Variants in OPCML observed in about 807,000 individuals in gnomAD.
OPCML encodes opioid-binding protein/cell adhesion molecule.
A neutral mutation model predicts 37.8 loss-of-function variants in OPCML; 13 were observed. The ratio of observed to expected loss-of-function variants is 0.34; its 90% confidence interval spans 0.22 to 0.55. The LOEUF (loss-of-function observed/expected upper bound fraction) is 0.55, where lower values mean the gene tolerates loss of function less well. OPCML is among the 20% of genes least tolerant of loss of function. The pLI is 0.91. For synonymous variants in OPCML, 176 were observed against 168.8 expected (o/e 1.04, Z -0.33); for missense variants, 341 against 435.6 (o/e 0.78, Z 1.93).
chr11:132,819,006 A>G (rs1443648369), intron 2 of OPCML, among the ~76,000 whole-genome samples: 1 of 150,424 alleles, frequency 6.6e-6, no homozygotes, highest in African/African-American at 2.5e-5. Flanking sequence ...GTAAAGTTAC[A>G]AAGTCGAAAA....
At chr11:132,454,966 C>A (rs1290112271) in intron 4 of OPCML, among the ~76,000 whole-genome samples, 2 of 152,148 alleles carry the variant, frequency 1.3e-5, no homozygotes, top group African/African-American at 2.4e-5. Context: ...TCTGACTAAC[C>A]TTTTCCTGTG....
intron 1 of OPCML, among the ~76,000 whole-genome samples, chr11:133,058,857 C>A (rs1948289429): frequency 6.6e-6 from 1 of 152,206 alleles, no homozygotes; most frequent in South Asian, 2.1e-4. Context: ...AAGTAACTTG[C>A]TCTTCAGGAG....
intron 3 of OPCML, among the ~76,000 whole-genome samples, chr11:132,619,557 C>T (rs575985033): frequency 1.3e-5 from 2 of 151,932 alleles, no homozygotes; most frequent in East Asian, 3.9e-4. Flanking sequence ...TGGCCTAAAA[C>T]GGCCGGGTGC....
intron 1 of OPCML, among the ~76,000 whole-genome samples, chr11:133,334,773 A>T (rs1256142272): frequency 6.6e-6 from 1 of 152,148 alleles, no homozygotes; most frequent in Non-Finnish European, 1.5e-5. Context: ...AGAGCCCCAT[A>T]ATCAATGGAC....
At position 132,975,466 on chromosome 11, in the gene OPCML, A is replaced by C. The variant is rs940724948; in HGVS notation, c.62-32456T>G. Among the ~76,000 whole-genome samples, 5 of 146,460 alleles carry C rather than the reference A, an allele frequency of 3.4e-5. No individual in the cohort carries two copies. The East Asian group carries it at 1.0e-3, about 31-fold the overall frequency. On this transcript the variant is annotated intron_variant, in intron 1 of 7. Transcript: ENST00000524381. Reference sequence around the variant, plus strand: ...GTGCATAAACTCAGCATAAAAAATAACTTTTCAGATTCCCTTAATTTACCC... The same window carrying C: ...GTGCATAAACTCAGCATAAAAAATACCTTTTCAGATTCCCTTAATTTACCC...
intron 1 of OPCML, among the ~76,000 whole-genome samples, chr11:133,457,368 C>CA (rs1946694654): frequency 6.6e-6 from 1 of 151,758 alleles, no homozygotes; most frequent in Non-Finnish European, 1.5e-5. Flanking sequence ...TCCATCTCTG[C>CA]AAAAAATAAA....
intron 1 of OPCML, among the ~76,000 whole-genome samples, chr11:132,986,482 G>C (rs1210899218): frequency 6.6e-6 from 1 of 152,158 alleles, no homozygotes; most frequent in Non-Finnish European, 1.5e-5. Context: ...CAGGATCCCA[G>C]ATTTAGGAAT....
At chr11:132,654,604 G>T (rs1388531958) in intron 3 of OPCML, among the ~76,000 whole-genome samples, 1 of 146,908 alleles carries the variant, frequency 6.8e-6, no homozygotes, top group East Asian at 2.0e-4. Flanking sequence ...CTCAAGAGAA[G>T]CTCCTCCCCA....
At chr11:132,750,422 A>G (rs2136066961) in intron 2 of OPCML, among the ~76,000 whole-genome samples, 1 of 152,296 alleles carries the variant, frequency 6.6e-6, no homozygotes, top group African/African-American at 2.4e-5. Flanking sequence ...GCACAGGTGG[A>G]GGCTCAATCT....
intron 1 of OPCML, among the ~76,000 whole-genome samples, chr11:133,087,411 T>A (rs1445109465): frequency 6.6e-6 from 1 of 152,154 alleles, no homozygotes; most frequent in Non-Finnish European, 1.5e-5. Flanking sequence ...TAGAACCTAA[T>A]AGGGGGTTCT....
intron 1 of OPCML, among the ~76,000 whole-genome samples, chr11:133,335,166 T>G (rs539949802): frequency 6.7e-4 from 102 of 152,328 alleles, no homozygotes; most frequent in African/African-American, 2.4e-3. Context: ...CACCTCTGGT[T>G]GAGAACCTCA....
chr11:132,609,362 T>C (rs190445015), intron 3 of OPCML, among the ~76,000 whole-genome samples: 483 of 152,316 alleles, frequency 3.2e-3, no homozygotes, highest in Non-Finnish European at 3.5e-3. Flanking sequence ...AGGGTCTAAC[T>C]TCGAAGGCCG....
chr11:132,880,470 A>C (rs1247729896), intron 2 of OPCML, among the ~76,000 whole-genome samples: 1 of 152,228 alleles, frequency 6.6e-6, no homozygotes, highest in Non-Finnish European at 1.5e-5. Flanking sequence ...TGCTGACAGT[A>C]ATGGAAACAC....
intron 2 of OPCML, among the ~76,000 whole-genome samples, chr11:132,839,437 G>A (rs891304017): frequency 1.3e-5 from 2 of 152,214 alleles, no homozygotes; most frequent in African/African-American, 4.8e-5. Context: ...TATGGGAGGC[G>A]CTTGGCTGCA....
chr11:133,411,353 C>T lies in OPCML; in HGVS notation c.61+120911G>A, dbSNP rs192115434. ...GTTTTTGGAGCAATATTCACACCCA[C>T]TCCTCCTTTCCTTTGAAAACATGAT... On this transcript the variant is annotated intron_variant, in intron 1 of 7. Coordinates refer to ENST00000524381, the MANE Select transcript of OPCML (RefSeq NM_001012393.5). Among the ~76,000 whole-genome samples, 22 of 152,332 alleles carry T rather than the reference C, an allele frequency of 1.4e-4. No individual in the cohort carries two copies. In the East Asian group the frequency reaches 3.3e-3, roughly 23 times the overall value.
chr11:133,204,030 CCTGGGGG>C (rs1938919962), intron 1 of OPCML, among the ~76,000 whole-genome samples: 1 of 126,142 alleles, frequency 7.9e-6, no homozygotes, highest in African/African-American at 3.1e-5. Context: ...TGCATTCCAG[CCTGGGGG>C]GACAGAGCGA....
chr11:132,999,924 G>T (rs1349815583), intron 1 of OPCML, among the ~76,000 whole-genome samples: 1 of 152,214 alleles, frequency 6.6e-6, no homozygotes, highest in South Asian at 2.1e-4. Context: ...AAGGCAGCTT[G>T]TTTCAGGAAG....
chr11:133,013,591 A>G (rs879917357), intron 1 of OPCML, among the ~76,000 whole-genome samples: 4 of 152,060 alleles, frequency 2.6e-5, no homozygotes, highest in Non-Finnish European at 4.4e-5. Context: ...CTCTTCTACC[A>G]CTCTGGTTTG....
chr11:133,311,934 A>C (rs188072839), intron 1 of OPCML, among the ~76,000 whole-genome samples: 1 of 152,200 alleles, frequency 6.6e-6, no homozygotes, highest in African/African-American at 2.4e-5. Flanking sequence ...GAGATATGGA[A>C]CAGACTTGAT....
Sources: allele counts gnomAD v4.1 joint callset (sites outside exome capture counted in the v4.1 genomes callset), GRCh38; gene constraint gnomAD v4.1.1; transcripts MANE v1.5; gene names NCBI Gene and HGNC (gene_info 2026-07-23, HGNC 2026-07-21).